The following SPECC1 variants were observed in gnomAD, a reference collection of about 807,000 sequenced individuals.
The protein encoded by SPECC1 is sperm antigen with calponin homology and coiled-coil domains 1, also known as cytospin-B.
SPECC1 carries 62 observed loss-of-function variants against 104.1 expected under a neutral mutation model. That is an observed-to-expected ratio of 0.60 (90% CI 0.49 to 0.74). SPECC1 has a LOEUF of 0.74. Ranked by LOEUF, SPECC1 falls within the 30% of genes least tolerant of loss-of-function variation. SPECC1 has a pLI of 0.00. For synonymous variants in SPECC1, 513 were observed against 501.6 expected (o/e 1.02, Z -0.30); for missense variants, 1,306 against 1,310.5 (o/e 1.00, Z 0.05).
At chr17:20,230,981 T>G (rs567206599) in intron 5 of SPECC1, among the ~76,000 whole-genome samples, 1 of 152,312 alleles carries the variant, frequency 6.6e-6, no homozygotes, top group South Asian at 2.1e-4. Flanking sequence ...ATTTGCATCC[T>G]TCATAGAAAG....
chr17:20,157,361 A>G (rs752290474), intron 3 of SPECC1, among the ~76,000 whole-genome samples: 4 of 152,174 alleles, frequency 2.6e-5, no homozygotes, highest in Non-Finnish European at 5.9e-5. Flanking sequence ...GAAAAATTTC[A>G]GGGGCCAGCT....
chr17:20,227,587 T>C lies in SPECC1; in HGVS notation c.2038T>C (p.Leu680=), dbSNP rs140978109. 1.9e-6 allele frequency: 3 copies of C among 1,611,904 alleles called. No individual in the cohort carries two copies. In the African/African-American group the frequency reaches 4.0e-5, roughly 22 times the overall value. ...GGTGGAACAGCACCGGGCTGTCAAG[T>C]TACACAATAATCAACTCATCAGTGA... ...DQVEQHRAVK[L]HNNQLISELE... The change falls in exon 5 of 15, where the codon TTA becomes CTA. Residue 680 remains leucine, a synonymous_variant. Coordinates refer to ENST00000395527, the MANE Select transcript of SPECC1 (RefSeq NM_001243439.2).
chr17:20,032,769 T>C (rs964956087), intron 1 of SPECC1, among the ~76,000 whole-genome samples: 3 of 152,070 alleles, frequency 2.0e-5, no homozygotes, highest in Non-Finnish European at 2.9e-5. Flanking sequence ...ATCTGATAAC[T>C]GTTTGCTCTC....
intron 1 of SPECC1, among the ~76,000 whole-genome samples, chr17:20,063,111 C>T (rs376622819): frequency 2.6e-5 from 4 of 152,144 alleles, no homozygotes; most frequent in African/African-American, 9.7e-5. Flanking sequence ...TATATTTTTG[C>T]TAATAGTCTT....
chr17:20,162,501 A>G (rs1206833879), intron 3 of SPECC1, among the ~76,000 whole-genome samples: 1 of 152,178 alleles, frequency 6.6e-6, no homozygotes, highest in East Asian at 1.9e-4. Flanking sequence ...AGGGAAGAGT[A>G]ATATAACCTA....
chr17:20,051,626 T>C (rs1202372655), intron 1 of SPECC1, among the ~76,000 whole-genome samples: 1 of 152,252 alleles, frequency 6.6e-6, no homozygotes, highest in Non-Finnish European at 1.5e-5. Context: ...TCAACAAATA[T>C]TAATTACTTG....
At chr17:20,227,341 C>T in intron 4 of SPECC1, 72 bp from the exon 5 acceptor site, 1 of 1,324,088 alleles carries the variant, frequency 7.6e-7, no homozygotes, top group Non-Finnish European at 1.1e-6. Context: ...TGGGGCTTGG[C>T]CTTCTAGTGT....
intron 3 of SPECC1, among the ~76,000 whole-genome samples, chr17:20,168,092 T>C (rs976790034): frequency 2.0e-5 from 3 of 152,192 alleles, no homozygotes; most frequent in Non-Finnish European, 4.4e-5. Context: ...ATGGAAAGCA[T>C]TCCGATTTGT....
At chr17:20,184,593 A>G (rs943550932) in intron 3 of SPECC1, among the ~76,000 whole-genome samples, 1 of 152,172 alleles carries the variant, frequency 6.6e-6, no homozygotes, top group Non-Finnish European at 1.5e-5. Context: ...ATCTTGGGCA[A>G]GTTATCTCTA....
rs562052314 is a variant in SPECC1, at chr17:20,234,498, A to T, written c.2351+2093A>T. Among the ~76,000 whole-genome samples the T allele has an allele frequency of 4.6e-5, 7 of 152,292 alleles. No homozygotes were observed. The South Asian group carries it at 1.5e-3, about 32-fold the overall frequency. On this transcript the variant is annotated intron_variant, in intron 7 of 14. Transcript: ENST00000395527. ...ACCTACCCCATGAGCAAGACTTGAA[A>T]CCAACTCACACCCTCAAAGCTCCGG...
intron 12 of SPECC1, among the ~76,000 whole-genome samples, chr17:20,280,026 G>A (rs2040712907): frequency 6.6e-6 from 1 of 152,146 alleles, no homozygotes; most frequent in Non-Finnish European, 1.5e-5. Flanking sequence ...GTTTAAGGTG[G>A]AAGAACCTCT....
At chr17:20,113,023 T>C (rs2048571238) in intron 3 of SPECC1, 2 of 828,810 alleles carry the variant, frequency 2.4e-6, no homozygotes, top group Non-Finnish European at 4.2e-6. Context: ...ATGTACAAGA[T>C]GAAAATGTTT....
intron 4 of SPECC1, among the ~76,000 whole-genome samples, chr17:20,225,824 C>T (rs978531897): frequency 6.6e-6 from 1 of 152,218 alleles, no homozygotes; most frequent in Non-Finnish European, 1.5e-5. Flanking sequence ...GCTGGAGGAT[C>T]CTTTTTGGCC....
intron 3 of SPECC1, among the ~76,000 whole-genome samples, chr17:20,128,504 G>A (rs1163003026): frequency 6.6e-6 from 1 of 152,196 alleles, no homozygotes; most frequent in Non-Finnish European, 1.5e-5. Flanking sequence ...TATTTGCAAG[G>A]CTTGGGGCAA....
chr17:20,231,905 T>G, intron 6 of SPECC1, 74 bp downstream of exon 6: 2 of 1,455,168 alleles, frequency 1.4e-6, no homozygotes, highest in Non-Finnish European at 1.9e-6. Context: ...TCACTCTCTC[T>G]ATCCTGCTTT....
At chr17:20,040,536 TG>T (rs1372705160) in intron 1 of SPECC1, among the ~76,000 whole-genome samples, 1 of 152,226 alleles carries the variant, frequency 6.6e-6, no homozygotes, top group African/African-American at 2.4e-5. Context: ...TCTCTTATTT[TG>T]CTTTATCTGA....
intron 7 of SPECC1, chr17:20,237,174 A>G (rs906373500): frequency 3.1e-5 from 41 of 1,333,508 alleles, no homozygotes; most frequent in Non-Finnish European, 3.6e-5. Flanking sequence ...TTCTGAAAAA[A>G]ACAAAGTACA....
intron 7 of SPECC1, among the ~76,000 whole-genome samples, chr17:20,244,844 C>T (rs1315381704): frequency 6.6e-6 from 1 of 152,176 alleles, no homozygotes; most frequent in Non-Finnish European, 1.5e-5. Flanking sequence ...AGTGATTTAG[C>T]AATGAGAAGG....
At chr17:20,170,832 C>A (rs1597874228) in intron 3 of SPECC1, among the ~76,000 whole-genome samples, 1 of 152,198 alleles carries the variant, frequency 6.6e-6, no homozygotes, top group East Asian at 1.9e-4. Flanking sequence ...TAAAGTAATA[C>A]ATTTTTATGT....
Sources: allele counts gnomAD v4.1 joint callset (sites outside exome capture counted in the v4.1 genomes callset), GRCh38; gene constraint gnomAD v4.1.1; transcripts MANE v1.5; gene names NCBI Gene and HGNC (gene_info 2026-07-23, HGNC 2026-07-21).